Variants in NAALADL2 observed in about 807,000 individuals in gnomAD.
The protein encoded by NAALADL2 is N-acetylated alpha-linked acidic dipeptidase like 2.
In NAALADL2, 76 loss-of-function variants were observed where a neutral mutation model predicts 87.2. The observed-to-expected ratio is 0.87, with a 90% CI of 0.72 to 1.05. The LOEUF (loss-of-function observed/expected upper bound fraction) is 1.05. Ranked by LOEUF, NAALADL2 falls within the 50% of genes least tolerant of loss-of-function variation. The probability of loss-of-function intolerance (pLI) is 0.00; values close to 1 mark genes in which losing one functional copy is unlikely to be tolerated. For missense variants in NAALADL2, 1,089 were observed against 945.8 expected (o/e 1.15, Z -1.99); for synonymous variants, 354 against 331.0 (o/e 1.07, Z -0.75).
At chr3:175,227,227 C>T (rs1744284217) in intron 2 of NAALADL2, among the ~76,000 whole-genome samples, 1 of 151,996 alleles carries the variant, frequency 6.6e-6, no homozygotes, top group South Asian at 2.1e-4. Flanking sequence ...TGGCTTCCTC[C>T]AATTCTGACA....
chr3:174,735,046 T>G (rs1312402674), intron 2 of NAALADL2, among the ~76,000 whole-genome samples: 2 of 152,092 alleles, frequency 1.3e-5, no homozygotes, highest in East Asian at 3.9e-4. Flanking sequence ...TTAAGTAATT[T>G]CGAAAGGAGA....
Position 174,493,690 on chromosome 3 carries a change from A to T in NAALADL2, c.-184+52658A>T, listed in dbSNP as rs915341025. Among the ~76,000 whole-genome samples the T allele has an allele frequency of 5.9e-5, 9 of 152,288 alleles. No individual in the cohort carries two copies. The East Asian group carries it at 1.7e-3, about 29-fold the overall frequency. On this transcript the variant is annotated intron_variant, in intron 1 of 3. Transcript: ENST00000434257. Reference sequence around the variant, plus strand: ...GGAAAAAAATTCATGTGATTGAACCAATTACATATACAACAGAAGAGGGAA... The same window carrying T: ...GGAAAAAAATTCATGTGATTGAACCTATTACATATACAACAGAAGAGGGAA...
intron 5 of NAALADL2, among the ~76,000 whole-genome samples, chr3:175,392,118 G>A (rs1447861619): frequency 6.6e-6 from 1 of 152,162 alleles, no homozygotes; most frequent in Non-Finnish European, 1.5e-5. Flanking sequence ...GGCTCCAAAT[G>A]ACATGATTTC....
chr3:174,810,237 G>A (rs1579026022), intron 3 of NAALADL2, among the ~76,000 whole-genome samples: 1 of 152,282 alleles, frequency 6.6e-6, no homozygotes, highest in East Asian at 1.9e-4. Context: ...CTTTTGAGCT[G>A]GGTAATGGAC....
intron 1 of NAALADL2, among the ~76,000 whole-genome samples, chr3:175,084,767 T>C (rs1718548423): frequency 6.6e-6 from 1 of 152,152 alleles, no homozygotes; most frequent in African/African-American, 2.4e-5. Flanking sequence ...ATGAATAAGG[T>C]ATAATTCTTG....
At chr3:175,325,395 C>G (rs567454433) in intron 5 of NAALADL2, among the ~76,000 whole-genome samples, 19 of 152,310 alleles carry the variant, frequency 1.2e-4, no homozygotes, top group Admixed American at 1.1e-3. Flanking sequence ...TCTCACAGAT[C>G]TGTACTTTGT....
chr3:175,296,174 T>C (rs892961192), intron 4 of NAALADL2, among the ~76,000 whole-genome samples: 7 of 56,242 alleles, frequency 1.2e-4, no homozygotes, highest in East Asian at 4.3e-4. Flanking sequence ...CCATATCCCA[T>C]TGGAAAAATG....
At chr3:175,558,071 T>G (rs1230099812) in intron 9 of NAALADL2, among the ~76,000 whole-genome samples, 2 of 151,442 alleles carry the variant, frequency 1.3e-5, no homozygotes, top group Non-Finnish European at 2.9e-5. Flanking sequence ...GGCGGGCGCC[T>G]GTAGTCCCAG....
Position 174,787,600 on chromosome 3 carries a change from T to TATAC in NAALADL2, c.-9+49857_-9+49858insCATA, listed in dbSNP as rs1553855408. Among the ~76,000 whole-genome samples the TATAC allele has an allele frequency of 5.1e-3, 347 of 68,458 alleles. 24 individuals carry two copies. The highest frequency in any genetic ancestry group is 0.015 in the African/African-American group (334 of 22,926). The allele number at this position is 68,458 out of a possible 152,430, so 44.9% of individuals were successfully genotyped here. On this transcript the variant is annotated intron_variant, in intron 3 of 3. Coordinates refer to the NAALADL2 transcript ENST00000434257. Reference sequence around the variant, plus strand: ...TCATATATATATATATATATATATATATATATATATATATATATATAGTAG... The same window carrying TATAC: ...TCATATATATATATATATATATATATATACATATATATATATATATATATAGTAG...
At chr3:175,181,720 T>C (rs1736539523) in intron 2 of NAALADL2, among the ~76,000 whole-genome samples, 1 of 45,480 alleles carries the variant, frequency 2.2e-5, no homozygotes, top group Non-Finnish European at 5.5e-5. Context: ...TGTGTGTGTA[T>C]ATATATGTAT....
rs140108511 is a variant in NAALADL2, at chr3:175,271,730, G to T, written c.939+15200G>T. ...TCATTTGAACAAGGGGGGAGGCAGA[G>T]GTTGCAGTGAGCCGAGGTCGTGCCA... On this transcript the variant is annotated intron_variant, in intron 4 of 13. Transcript: ENST00000454872. Among the ~76,000 whole-genome samples, 901 of 152,320 alleles carry T rather than the reference G, an allele frequency of 5.9e-3. 20 individuals are homozygous for T. Among genetic ancestry groups the T allele is most frequent in the African/African-American group, 0.021 (854 of 41,564 alleles).
In NAALADL2 at chr3:174,977,081, G is replaced by A. The variant is rs149388136; in HGVS notation, c.43+117631G>A. ...ACCCAGTGGATTCTAAGGCCAAATA[G>A]GATGTAAAAATATGACATTTTGGAG... On this transcript the variant is annotated intron_variant, in intron 1 of 13. Transcript: ENST00000454872. Among the ~76,000 whole-genome samples the A allele has an allele frequency of 2.0e-3, 302 of 152,232 alleles. 2 individuals are homozygous for A. Among genetic ancestry groups the A allele is most frequent in the South Asian group, 6.0e-3 (29 of 4,822 alleles).
intron 1 of NAALADL2, among the ~76,000 whole-genome samples, chr3:174,972,398 C>A (rs150784163): frequency 6.6e-6 from 1 of 152,290 alleles, no homozygotes; most frequent in East Asian, 1.9e-4. Flanking sequence ...AGTCCAAAAT[C>A]TAAGTATCAG....
intron 12 of NAALADL2, among the ~76,000 whole-genome samples, chr3:175,753,405 T>A (rs956781454): frequency 1.3e-5 from 2 of 152,158 alleles, no homozygotes; most frequent in African/African-American, 4.8e-5. Context: ...TTTCTAAACA[T>A]ACTTTATTGA....
chr3:174,767,065 A>G (rs1713894792), intron 3 of NAALADL2, among the ~76,000 whole-genome samples: 1 of 152,192 alleles, frequency 6.6e-6, no homozygotes, highest in South Asian at 2.1e-4. Flanking sequence ...AGGTTTAGGC[A>G]GAGGTAACAG....
chr3:174,766,055 A>G (rs1437000600), intron 3 of NAALADL2, among the ~76,000 whole-genome samples: 3 of 152,202 alleles, frequency 2.0e-5, no homozygotes, highest in African/African-American at 7.2e-5. Flanking sequence ...CATTTTGTTC[A>G]CAATTTTCTA....
chr3:174,546,152 G>A (rs878993093), intron 1 of NAALADL2, among the ~76,000 whole-genome samples: 1 of 152,076 alleles, frequency 6.6e-6, no homozygotes, highest in Non-Finnish European at 1.5e-5. Context: ...AAATGATGAG[G>A]AGAGGCCTTT....
intron 1 of NAALADL2, among the ~76,000 whole-genome samples, chr3:174,454,157 G>A (rs965710723): frequency 2.0e-5 from 3 of 152,176 alleles, no homozygotes; most frequent in East Asian, 3.9e-4. Flanking sequence ...AGGGCATTAC[G>A]TAATGATAAA....
chr3:175,286,668 A>T (rs1456080041), intron 4 of NAALADL2, among the ~76,000 whole-genome samples: 2 of 152,006 alleles, frequency 1.3e-5, no homozygotes, highest in African/African-American at 4.8e-5. Flanking sequence ...TTTTATTTTT[A>T]TGGCTTTTTA....
Sources: gnomAD v4.1 joint callset for allele counts (sites outside exome capture counted in the v4.1 genomes callset) on GRCh38, gnomAD v4.1.1 for gene constraint, MANE v1.5 for transcripts, NCBI Gene and HGNC (gene_info 2026-07-23, HGNC 2026-07-21) for gene names.